Variants in FNDC3A observed in about 807,000 individuals in gnomAD.
FNDC3A encodes fibronectin type III domain containing 3A, also known as fibronectin type-III domain-containing protein 3A.
Under a neutral mutation model 148.9 loss-of-function variants are expected in FNDC3A, and 32 were observed. The ratio of observed to expected loss-of-function variants is 0.21; its 90% confidence interval spans 0.16 to 0.29. The LOEUF is 0.29. Ranked by LOEUF, FNDC3A falls within the 10% of genes least tolerant of loss-of-function variation. The probability of loss-of-function intolerance (pLI) is 1.00; values close to 1 mark genes in which losing one functional copy is unlikely to be tolerated. For missense variants in FNDC3A, 1,191 were observed against 1,452.8 expected, an observed-to-expected ratio of 0.82 and a Z score of 2.93; for synonymous variants, 472 against 473.6, an observed-to-expected ratio of 1.00 and a Z score of 0.04.
At chr13:48,979,927 CTAGTTTGCTGACTGCTAGG>C (rs1169756208) in intron 1 of FNDC3A, among the ~76,000 whole-genome samples, 1 of 152,036 alleles carries the variant, frequency 6.6e-6, no homozygotes, top group Non-Finnish European at 1.5e-5. Flanking sequence ...GCCAGGGGAC[CTAGTTTGCTGACTGCTAGG>C]TAATAATTGG....
intron 4 of FNDC3A, among the ~76,000 whole-genome samples, chr13:49,123,004 T>G (rs1013238333): frequency 1.1e-4 from 16 of 152,046 alleles, no homozygotes; most frequent in African/African-American, 3.9e-4. Context: ...CTACTTTAAA[T>G]TTCATATGGA....
intron 8 of FNDC3A, chr13:49,146,950 T>G (rs2137971157): frequency 6.6e-6 from 1 of 152,320 alleles, no homozygotes; most frequent in Admixed American, 6.5e-5. Flanking sequence ...ATTTGAATGA[T>G]CACAATTAGC....
intron 3 of FNDC3A, among the ~76,000 whole-genome samples, chr13:49,109,810 A>T (rs1310926387): frequency 6.6e-6 from 1 of 152,222 alleles, no homozygotes; most frequent in Non-Finnish European, 1.5e-5. Flanking sequence ...CTGAAACATA[A>T]ATCCCACCTT....
At chr13:49,050,024 C>G (rs1052544518) in intron 2 of FNDC3A, among the ~76,000 whole-genome samples, 1 of 152,148 alleles carries the variant, frequency 6.6e-6, no homozygotes, top group Non-Finnish European at 1.5e-5. Context: ...ACAGCCTTCT[C>G]TCTTCTTTTC....
At chr13:49,088,372 C>A (rs183836171) in intron 3 of FNDC3A, among the ~76,000 whole-genome samples, 1 of 152,230 alleles carries the variant, frequency 6.6e-6, no homozygotes, top group Non-Finnish European at 1.5e-5. Flanking sequence ...CATGTTTGGG[C>A]ACAGTTTTAT....
Position 49,055,413 on chromosome 13 carries a change from G to A in FNDC3A, c.100-19876G>A, listed in dbSNP as rs149355077. ...AGTTAACCTGCAAAATGGGTTCAGG[G>A]CATGACGAGAAGGGAGGGTAATACA... On this transcript the variant is annotated intron_variant, in intron 2 of 25. Coordinates refer to ENST00000492622, the MANE Select transcript of FNDC3A (RefSeq NM_001079673.2). Among the ~76,000 whole-genome samples, 392 of 152,020 alleles carry A rather than the reference G, an allele frequency of 2.6e-3. 9 individuals carry two copies. In the East Asian group the frequency reaches 0.041, roughly 16 times the overall value.
chr13:49,036,185 T>G (rs1300652943), intron 2 of FNDC3A, among the ~76,000 whole-genome samples: 1 of 152,202 alleles, frequency 6.6e-6, no homozygotes, highest in Non-Finnish European at 1.5e-5. Flanking sequence ...TGGAGGTACC[T>G]GCAGTTTATC....
At chr13:49,031,492 T>G (rs773667456) in intron 2 of FNDC3A, among the ~76,000 whole-genome samples, 6 of 152,154 alleles carry the variant, frequency 3.9e-5, no homozygotes, top group Non-Finnish European at 8.8e-5. Flanking sequence ...ACATTTATGG[T>G]CATTTGGTTT....
chr13:49,094,404 C>A (rs1018534257), intron 3 of FNDC3A, among the ~76,000 whole-genome samples: 1 of 151,966 alleles, frequency 6.6e-6, no homozygotes, highest in Non-Finnish European at 1.5e-5. Context: ...GAAAATAATT[C>A]AGTCTTTCAG....
chr13:49,126,374 C>T (rs1881700574), intron 4 of FNDC3A, among the ~76,000 whole-genome samples: 1 of 152,068 alleles, frequency 6.6e-6, no homozygotes, highest in Non-Finnish European at 1.5e-5. Context: ...CAGCATTGCA[C>T]TACCAGCTCC....
chr13:49,118,808 C>T (rs1050707271), intron 4 of FNDC3A, among the ~76,000 whole-genome samples: 1 of 152,232 alleles, frequency 6.6e-6, no homozygotes, highest in Non-Finnish European at 1.5e-5. Flanking sequence ...TCTCTAGATT[C>T]CTCCTCTCTG....
chr13:49,194,028 AG>A (rs1273553439), intron 19 of FNDC3A, among the ~76,000 whole-genome samples: 1 of 152,218 alleles, frequency 6.6e-6, no homozygotes, highest in Non-Finnish European at 1.5e-5. Context: ...GGGGAGGCCG[AG>A]GCTGGCAGAT....
chr13:49,115,686 A>G (rs1010106006), intron 4 of FNDC3A, among the ~76,000 whole-genome samples: 3 of 152,238 alleles, frequency 2.0e-5, no homozygotes, highest in African/African-American at 7.2e-5. Flanking sequence ...CAGTGCCTTC[A>G]TTATGAGATG....
At chr13:48,975,787 G>GGACTCGCGTTCCGGTGA (rs1325609143), upstream of FNDC3A, 17 of 152,036 alleles carry the variant, frequency 1.1e-4, no homozygotes, top group African/African-American at 4.1e-4. Context: ...GGCCCCGCGG[G>GGACTCGCGTTCCGGTGA]GACTCGCGTT....
At position 49,099,019 on chromosome 13, in the gene FNDC3A, A is replaced by C. The variant is rs1879700250; in HGVS notation, c.176-15636A>C. Among the ~76,000 whole-genome samples the C allele has an allele frequency of 2.6e-5, 4 of 152,254 alleles. No homozygotes were observed. The South Asian group carries it at 8.3e-4, about 32-fold the overall frequency. ...CTGCCTTATATGAATAAATGTTGCT[A>C]GGTGTTTCATAGCCTTAATAAATAA... On this transcript the variant is annotated intron_variant, in intron 3 of 25. Transcript: ENST00000492622.
At chr13:48,983,015 C>T (rs2137547993) in intron 1 of FNDC3A, among the ~76,000 whole-genome samples, 1 of 152,286 alleles carries the variant, frequency 6.6e-6, no homozygotes, top group African/African-American at 2.4e-5. Context: ...CATTGTCACT[C>T]AGGCATCCTG....
chr13:49,093,002 C>G (rs1415319209), intron 3 of FNDC3A, among the ~76,000 whole-genome samples: 1 of 152,070 alleles, frequency 6.6e-6, no homozygotes, highest in South Asian at 2.1e-4. Context: ...AAGCCTCATA[C>G]CTAGTTATTG....
chr13:49,008,416 A>C (rs770155515), intron 2 of FNDC3A, among the ~76,000 whole-genome samples: 31 of 151,982 alleles, frequency 2.0e-4, no homozygotes, highest in Non-Finnish European at 1.8e-4. Context: ...AACTTGGTTG[A>C]TGCCTGTTTA....
At chr13:49,159,279 G>A (rs958510419) in intron 8 of FNDC3A, among the ~76,000 whole-genome samples, 9 of 152,072 alleles carry the variant, frequency 5.9e-5, no homozygotes, top group African/African-American at 9.7e-5. Flanking sequence ...ATTTGTTTGT[G>A]TCCTCTTTTA....
Sources: gnomAD v4.1 joint callset for allele counts (sites outside exome capture counted in the v4.1 genomes callset) on GRCh38, gnomAD v4.1.1 for gene constraint, MANE v1.5 for transcripts, NCBI Gene and HGNC (gene_info 2026-07-23, HGNC 2026-07-21) for gene names.